SGCA: variants seen among roughly 807,000 people sequenced by gnomAD.
SGCA encodes the protein alpha-sarcoglycan.
A neutral mutation model predicts 38.1 loss-of-function variants in SGCA; 34 were observed. That is an observed-to-expected ratio of 0.89 (90% CI 0.68 to 1.19). The LOEUF (loss-of-function observed/expected upper bound fraction) is 1.19, where lower values mean the gene tolerates loss of function less well. SGCA is among the 50% of genes most tolerant of loss of function. The probability of loss-of-function intolerance (pLI) is 0.00; values close to 1 mark genes in which losing one functional copy is unlikely to be tolerated. For synonymous variants in SGCA, 209 were observed against 214.6 expected (o/e 0.97, Z 0.23); for missense variants, 476 against 524.9 (o/e 0.91, Z 0.91).
intron 8 of SGCA, 44 bp from the exon 9 acceptor site, chr17:50,175,213 G>T (rs1425441561): frequency 1.9e-6 from 3 of 1,556,052 alleles, no homozygotes; most frequent in African/African-American, 1.4e-5. Context: ...GTACTCCAGG[G>T]CAGCTGACTC....
rs188376742 is a variant in SGCA, at chr17:50,166,135, T to A, written c.37+58T>A. On this transcript the variant is annotated intron_variant, in intron 1 of 9. Coordinates refer to ENST00000262018, the MANE Select transcript of SGCA (RefSeq NM_000023.4). ...AGGATGAGGGGGCAGGATTTAGGGG[T>A]GGTAAGACGGAGGTGTGGAGGGCCC... 586 of 1,452,006 alleles carry A rather than the reference T, an allele frequency of 4.0e-4. 5 individuals carry two copies. The East Asian group carries it at 9.5e-3, about 23-fold the overall frequency. The allele number at this position is 1,452,006 out of a possible 1,614,324, so 89.9% of individuals were successfully genotyped here.
intron 8 of SGCA, among the ~76,000 whole-genome samples, chr17:50,173,454 GTCT>G (rs750813768): frequency 4.4e-4 from 67 of 152,238 alleles, no homozygotes; most frequent in Admixed American, 1.7e-3. Flanking sequence ...CCGTTTGTCT[GTCT>G]GCCCAAGTGC....
At position 50,168,374 on chromosome 17, in the gene SGCA, GC is replaced by G. The variant is rs144356125; in HGVS notation, c.391del (p.Leu131CysfsTer80). Reference sequence around the variant, plus strand: ...TGAGGTGTCCACCTGGCCTTCCCAGGCCCCCTGCTGCCATACCAAGCCGAGT... The same window carrying G: ...TGAGGTGTCCACCTGGCCTTCCCAGGCCCCTGCTGCCATACCAAGCCGAGT... ...RLVLEIGDPEGPLLPYQAEFL... is the reference protein window; with the variant it reads ...RLVLEIGDPEXPLLPYQAEFL... On this transcript the variant is annotated frameshift_variant and splice_region_variant, in exon 5 of 10. Coordinates refer to ENST00000262018, the MANE Select transcript of SGCA (RefSeq NM_000023.4). LOFTEE classifies it high-confidence loss of function. 2 of 1,566,174 alleles carry G rather than the reference GC, an allele frequency of 1.3e-6. No homozygotes were observed. Among genetic ancestry groups the G allele is most frequent in the East Asian group, 2.4e-5 (1 of 42,332 alleles).
Position 50,175,296 on chromosome 17 carries a change from A to T in SGCA, c.1023A>T (p.Thr341=). 6.2e-7 allele frequency: 1 copy of T among 1,608,880 alleles called. No homozygotes were observed. The highest frequency in any genetic ancestry group is 8.5e-7 in the Non-Finnish European group (1 of 1,178,222). The change falls in exon 9 of 10, where the codon ACA becomes ACT. Residue 341 remains threonine (T), a synonymous_variant. Transcript: ENST00000262018. The stretch of plus-strand genomic sequence containing the variant: ...ACCACTGCACCATCCACGGGAACAC[A>T]GAGGAGCTGCGGCAGATGGCGGCCA... ...MVHHCTIHGN[T]EELRQMAASR...
intron 8 of SGCA, among the ~76,000 whole-genome samples, chr17:50,174,514 G>GT (rs200753576): frequency 0.2 from 29,073 of 147,356 alleles, 2,854 homozygotes; most frequent in Admixed American, 0.21. Flanking sequence ...GTAGGTTTTG[G>GT]TTTTTTTTTT....
rs141953249 is a variant in SGCA, at chr17:50,167,596, G to C, written c.172G>C (p.Val58Leu). ...GCTTCCACCAGCTGTCCCACCCGCT[G>C]TCCACATCACCTACCACGCCCACCT... ...LPEHVAVPPA[V>L]HITYHAHLQG... Residue 58 changes from valine to leucine, a missense_variant, in exon 3 of 10, where the codon GTC (valine) becomes CTC (leucine). Val to Leu is a conservative substitution (Grantham distance 32, BLOSUM62 1). Coordinates refer to ENST00000262018, the MANE Select transcript of SGCA (RefSeq NM_000023.4). This position sits in a 1 kb window ranked among gnomAD's most constrained non-coding sequence, Gnocchi z 4.5. 2.2e-5 allele frequency: 36 copies of C among 1,613,518 alleles called. No homozygotes were observed. In the African/African-American group the frequency reaches 3.2e-4, roughly 14 times the overall value.
rs372046855 is a variant in SGCA at position 50,168,422 on chromosome 17, C to A, written c.434C>A (p.Ala145Glu). Residue 145 changes from alanine to glutamate, a missense_variant, in exon 5 of 10, where the codon GCG (alanine) becomes GAG (glutamate). Physicochemically the swap from Ala to Glu is moderately radical, Grantham distance 107. Transcript: ENST00000262018. ...QAEFLVRSHD[A>E]EEVLPSTPAS... is the part of the protein sequence containing the mutation. ...GAGTTCCTGGTGCGCAGCCACGATG[C>A]GGAGGAGGTGCTGCCCTCAACACCT... 4 of 1,591,140 alleles carry A rather than the reference C, an allele frequency of 2.5e-6. No homozygotes were observed. Among genetic ancestry groups the A allele is most frequent in the East Asian group, 4.5e-5 (2 of 44,000 alleles).
intron 6 of SGCA, chr17:50,169,542 A>G: frequency 2.0e-6 from 1 of 494,584 alleles, no homozygotes; most frequent in South Asian, 2.5e-5. Flanking sequence ...GCCCAGGTCA[A>G]CAGCTATATC....
intron 8 of SGCA, among the ~76,000 whole-genome samples, chr17:50,173,230 A>G (rs1389354061): frequency 6.6e-6 from 1 of 152,180 alleles, no homozygotes; most frequent in Non-Finnish European, 1.5e-5. Flanking sequence ...CACTTTTCAG[A>G]TTATCCACAA....
At chr17:50,172,069 A>G (rs1367511138) in intron 8 of SGCA, 1 of 453,798 alleles carries the variant, frequency 2.2e-6, no homozygotes, top group African/African-American at 2.0e-5. Flanking sequence ...AAGGACCTCC[A>G]GGGCGGCTGG....
At chr17:50,173,888 A>T (rs1056243003) in intron 8 of SGCA, among the ~76,000 whole-genome samples, 1 of 152,190 alleles carries the variant, frequency 6.6e-6, no homozygotes, top group Non-Finnish European at 1.5e-5. Context: ...CTAAACTGTC[A>T]GGCTCTAACC....
Position 50,168,565 on chromosome 17 carries a change from A to T in SGCA, c.577A>T (p.Lys193Ter), listed in dbSNP as rs1905125726. 3 of 1,564,636 alleles carry T rather than the reference A, an allele frequency of 1.9e-6. No individual in the cohort carries two copies. The highest frequency in any genetic ancestry group is 2.6e-6 in the Non-Finnish European group (3 of 1,153,740). Reference sequence around the variant, plus strand: ...TGTCCCCCTTCCCATTGAGGGCCGAAAAGAAGGGTAGGTGTGCAACCCTAG... The same window carrying T: ...TGTCCCCCTTCCCATTGAGGGCCGATAAGAAGGGTAGGTGTGCAACCCTAG... Reference protein sequence around the residue: ...GRVPLPIEGRKEGVYIKVGSA... With the variant: ...GRVPLPIEGR Residue 193 changes from lysine (K) to a stop codon, truncating the protein, a stop_gained, in exon 5 of 10, where the codon AAA becomes TAA. Coordinates refer to ENST00000262018, the MANE Select transcript of SGCA (RefSeq NM_000023.4). LOFTEE classifies it high-confidence loss of function.
chr17:50,172,039 A>G (rs776526620), intron 8 of SGCA: 2 of 455,774 alleles, frequency 4.4e-6, no homozygotes, highest in Non-Finnish European at 8.8e-6. Context: ...TCCCTGGGGT[A>G]GGTGAAGTGT....
In SGCA at chr17:50,175,428, C is replaced by A; in HGVS notation, c.1155C>A (p.Asp385Glu). 1 of 1,613,142 alleles carries A rather than the reference C, an allele frequency of 6.2e-7. No individual in the cohort carries two copies. The highest frequency in any genetic ancestry group is 8.5e-7 in the Non-Finnish European group (1 of 1,179,962). The change falls in exon 9 of 10, where the codon GAC (aspartate) becomes GAA (glutamate). Residue 385 changes from aspartate (D) to glutamate (E), a missense_variant. Coordinates refer to ENST00000262018, the MANE Select transcript of SGCA (RefSeq NM_000023.4). ...GCGCCCAGGTGCCCCTCATTCTGGA[C>A]CAGCACTGACAGCCTAGCCAGGTAG... ...VDSAQVPLILDQH is the reference protein window; with the variant it reads ...VDSAQVPLILEQH
In SGCA at chr17:50,175,449, G is replaced by C. The variant is rs1361870458; in HGVS notation, c.*12G>C. ...TGGACCAGCACTGACAGCCTAGCCA[G>C]GTAGGTCTGGTGGGTGATGCCAGCC... On this transcript the variant is annotated splice_region_variant and 3_prime_UTR_variant, in exon 9 of 10. Transcript: ENST00000262018. The C allele has an allele frequency of 6.2e-7, 1 of 1,611,720 alleles. No homozygotes were observed. Among genetic ancestry groups the C allele is most frequent in the East Asian group, 2.2e-5 (1 of 44,878 alleles).
In SGCA at chr17:50,167,493, C is replaced by T. The variant is rs1017537505; in HGVS notation, c.157+6C>T. The T allele has an allele frequency of 3.1e-6, 5 of 1,614,158 alleles. No homozygotes were observed. The highest frequency in any genetic ancestry group is 1.7e-5 in the Admixed American group (1 of 60,030). On this transcript the variant is annotated splice_donor_region_variant and intron_variant, in intron 2 of 9. Transcript: ENST00000262018. This position sits in a 1 kb window ranked among gnomAD's most constrained non-coding sequence, Gnocchi z 4.5. The stretch of plus-strand genomic sequence containing the variant: ...GAGCCTTCCTGAGCATGTCGGTGAG[C>T]GGCCTGACAGGCACCCAGGCGGGCG...
rs1555568965 is a variant in SGCA, at chr17:50,169,090, A to T, written c.585-2A>T. On this transcript the variant is annotated splice_acceptor_variant, in intron 5 of 9. Transcript: ENST00000262018. LOFTEE classifies it high-confidence loss of function. ...CTGACAGTGACTTCTATCTGGTCCC[A>T]GGGTATACATTAAGGTGGGTTCTGC... 6.2e-7 allele frequency: 1 copy of T among 1,613,708 alleles called. No homozygotes were observed. Among genetic ancestry groups the T allele is most frequent in the Non-Finnish European group, 8.5e-7 (1 of 1,179,946 alleles).
intron 9 of SGCA, 40 bp downstream of exon 9, chr17:50,175,489 A>G: frequency 1.3e-6 from 2 of 1,557,934 alleles, no homozygotes; most frequent in Non-Finnish European, 1.8e-6. Flanking sequence ...TTCTGGGAAC[A>G]AGATGGCCTT....
At chr17:50,168,635 A>C in intron 5 of SGCA, 63 bp downstream of exon 5, 2 of 1,445,158 alleles carry the variant, frequency 1.4e-6, no homozygotes, top group South Asian at 2.4e-5. Context: ...CGGGCATAGA[A>C]CAAGGGTCTC....
Sources: allele counts gnomAD v4.1 joint callset (sites outside exome capture counted in the v4.1 genomes callset), GRCh38; gene constraint gnomAD v4.1.1; non-coding constraint Gnocchi (gnomAD v3.1); transcripts MANE v1.5; gene names NCBI Gene and HGNC (gene_info 2026-07-23, HGNC 2026-07-21).